The following TNFRSF11A variants were observed in gnomAD, a reference collection of about 807,000 sequenced individuals.
The protein encoded by TNFRSF11A is tumor necrosis factor receptor superfamily member 11A.
A neutral mutation model predicts 55.7 loss-of-function variants in TNFRSF11A; 32 were observed. That is an observed-to-expected ratio of 0.57 (90% CI 0.43 to 0.77). The LOEUF (loss-of-function observed/expected upper bound fraction) is 0.77. Among genes scored for constraint, TNFRSF11A ranks in the 30% least tolerant of loss-of-function variants. TNFRSF11A has a pLI of 0.00. For synonymous variants in TNFRSF11A, 311 were observed against 331.0 expected, an observed-to-expected ratio of 0.94 and a Z score of 0.65; for missense variants, 753 against 809.8, an observed-to-expected ratio of 0.93 and a Z score of 0.85.
chr18:62,344,569 C>T (rs2046355300), intron 1 of TNFRSF11A, among the ~76,000 whole-genome samples: 1 of 152,206 alleles, frequency 6.6e-6, no homozygotes, highest in African/African-American at 2.4e-5. Flanking sequence ...ACTAGGGCTG[C>T]TACCGATAAT....
At chr18:62,346,535 C>T (rs1010985867) in intron 1 of TNFRSF11A, among the ~76,000 whole-genome samples, 2 of 152,160 alleles carry the variant, frequency 1.3e-5, no homozygotes, top group Non-Finnish European at 2.9e-5. Flanking sequence ...GTGTGTTACC[C>T]GGTGTCCACG....
rs1024650628 is a variant in TNFRSF11A, at chr18:62,385,004, G to C, written c.1821G>C (p.Pro607=). Residue 607 remains proline (P), a synonymous_variant, in exon 10 of 10, where the codon CCG becomes CCC. Transcript: ENST00000586569. ...GLREPEKASR[P]VQEQGGAKA ...GGGAGCCGGAGAAGGCCTCGAGGCC[G>C]GTGCAGGAGCAAGGCGGGGCCAAGG... 7.4e-6 allele frequency: 11 copies of C among 1,477,020 alleles called. No individual in the cohort carries two copies. The highest frequency in any genetic ancestry group is 2.5e-5 in the Admixed American group (1 of 39,404). The allele number at this position is 1,477,020 out of a possible 1,614,324, so 91.5% of individuals were successfully genotyped here. A position where few individuals can be genotyped will look rare whatever the true frequency, so the allele number is the denominator to read the frequency against.
intron 9 of TNFRSF11A, among the ~76,000 whole-genome samples, chr18:62,379,187 A>G (rs1442615164): frequency 1.3e-5 from 2 of 152,216 alleles, no homozygotes; most frequent in Admixed American, 6.5e-5. Context: ...TCAATTCTGT[A>G]TGGAGAGTGT....
chr18:62,369,266 G>A lies in TNFRSF11A; in HGVS notation c.1349G>A (p.Arg450Gln), dbSNP rs760995590. Residue 450 changes from arginine to glutamine, a missense_variant, in exon 9 of 10, where the codon CGG becomes CAG. Arg to Gln is a conservative substitution (Grantham distance 43). Transcript: ENST00000586569. ...PNWADVCTGC[R>Q]NPPGEDCEPL... The stretch of plus-strand genomic sequence containing the variant: ...TGGGCAGATGTCTGCACAGGCTGCC[G>A]GAACCCTCCTGGGGAGGACTGTGAA... The A allele has an allele frequency of 3.2e-5, 51 of 1,613,408 alleles. No individual in the cohort carries two copies. Among genetic ancestry groups the A allele is most frequent in the Middle Eastern group, 3.3e-4 (2 of 6,062 alleles).
intron 1 of TNFRSF11A, 100 bp from the exon 2 acceptor site, chr18:62,348,058 CAAAAAAAAAA>C (rs201661953): frequency 1.6e-4 from 103 of 640,784 alleles, no homozygotes; most frequent in Admixed American, 5.5e-4. Context: ...AAACTCCATT[CAAAAAAAAAA>C]AAAAAAAAAA....
At chr18:62,329,857 G>C (rs1284695365) in intron 1 of TNFRSF11A, among the ~76,000 whole-genome samples, 1 of 152,154 alleles carries the variant, frequency 6.6e-6, no homozygotes, top group Non-Finnish European at 1.5e-5. Flanking sequence ...TGTTCTCACT[G>C]TGTCACGTTC....
chr18:62,379,875 A>AT (rs1295667407), intron 9 of TNFRSF11A, among the ~76,000 whole-genome samples: 9 of 152,350 alleles, frequency 5.9e-5, no homozygotes, highest in Admixed American at 5.2e-4. Flanking sequence ...GTTTTACTGA[A>AT]TATTTAGTAG....
At chr18:62,346,661 T>C (rs2046388469) in intron 1 of TNFRSF11A, among the ~76,000 whole-genome samples, 1 of 152,206 alleles carries the variant, frequency 6.6e-6, no homozygotes, top group African/African-American at 2.4e-5. Flanking sequence ...ACCCCTTTGC[T>C]GGCCAGGGTG....
At chr18:62,365,060 A>C (rs1410453965) in intron 7 of TNFRSF11A, among the ~76,000 whole-genome samples, 1 of 152,180 alleles carries the variant, frequency 6.6e-6, no homozygotes, top group Non-Finnish European at 1.5e-5. Context: ...TCCCGGGCTC[A>C]AACAATCCTC....
intron 7 of TNFRSF11A, among the ~76,000 whole-genome samples, chr18:62,364,273 A>G (rs924648242): frequency 1.3e-5 from 2 of 152,172 alleles, no homozygotes; most frequent in Non-Finnish European, 2.9e-5. Context: ...ACAGTGCATT[A>G]GCGGGCTGGA....
chr18:62,344,574 G>A (rs72931602), intron 1 of TNFRSF11A, among the ~76,000 whole-genome samples: 33 of 152,308 alleles, frequency 2.2e-4, no homozygotes, highest in Non-Finnish European at 4.4e-4. Context: ...GGCTGCTACC[G>A]ATAATAATAG....
At chr18:62,366,089 A>G (rs540757046) in intron 7 of TNFRSF11A, among the ~76,000 whole-genome samples, 1 of 152,314 alleles carries the variant, frequency 6.6e-6, no homozygotes, top group East Asian at 1.9e-4. Context: ...AAGTGCTGGC[A>G]TTACAGGTGT....
chr18:62,368,651 C>G, intron 8 of TNFRSF11A, 50 bp from the exon 9 acceptor site: 1 of 1,593,792 alleles, frequency 6.3e-7, no homozygotes, highest in Non-Finnish European at 8.6e-7. Flanking sequence ...TAAACTTGTC[C>G]TAATAACTCT....
At chr18:62,356,388 A>C (rs921188245) in intron 4 of TNFRSF11A, among the ~76,000 whole-genome samples, 1 of 152,238 alleles carries the variant, frequency 6.6e-6, no homozygotes, top group Non-Finnish European at 1.5e-5. Flanking sequence ...GGATCTCCCT[A>C]TCACAGCCAA....
At chr18:62,370,522 T>C (rs1910469833) in intron 9 of TNFRSF11A, among the ~76,000 whole-genome samples, 1 of 152,218 alleles carries the variant, frequency 6.6e-6, no homozygotes, top group Non-Finnish European at 1.5e-5. Flanking sequence ...AAATCTGAGG[T>C]AGCTAGATCT....
chr18:62,328,892 C>G (rs2046112049), intron 1 of TNFRSF11A, among the ~76,000 whole-genome samples: 1 of 152,198 alleles, frequency 6.6e-6, no homozygotes, highest in South Asian at 2.1e-4. Context: ...AAGGAAATAG[C>G]TTGCTTTTTC....
chr18:62,350,424 C>G (rs1600378247), intron 3 of TNFRSF11A, among the ~76,000 whole-genome samples: 1 of 152,156 alleles, frequency 6.6e-6, no homozygotes. Flanking sequence ...TCCTGAGTAG[C>G]TGGGACTACA....
intron 6 of TNFRSF11A, among the ~76,000 whole-genome samples, chr18:62,360,491 G>T (rs1473782728): frequency 6.6e-6 from 1 of 151,174 alleles, no homozygotes; most frequent in Non-Finnish European, 1.5e-5. Context: ...CTGCCACCCA[G>T]GCTGGAGTGC....
chr18:62,348,186 C>G lies in TNFRSF11A; in HGVS notation c.94C>G (p.Pro32Ala), dbSNP rs373535227. Reference protein sequence around the residue: ...ARLQVALQIAPPCTSEKHYEH... With the variant: ...ARLQVALQIAAPCTSEKHYEH... Reference sequence around the variant, plus strand: ...TTTTCAGGTGGCTTTGCAGATCGCTCCTCCATGTACCAGTGAGAAGCATTA... The same window carrying G: ...TTTTCAGGTGGCTTTGCAGATCGCTGCTCCATGTACCAGTGAGAAGCATTA... Residue 32 changes from proline to alanine, a missense_variant, in exon 2 of 10, where the codon CCT becomes GCT. Coordinates refer to ENST00000586569, the MANE Select transcript of TNFRSF11A (RefSeq NM_003839.4). 23 of 1,613,912 alleles carry G rather than the reference C, an allele frequency of 1.4e-5. No homozygotes were observed. The highest frequency in any genetic ancestry group is 2.7e-5 in the African/African-American group (2 of 74,884).
Sources: allele counts gnomAD v4.1 joint callset (sites outside exome capture counted in the v4.1 genomes callset), GRCh38; gene constraint gnomAD v4.1.1; transcripts MANE v1.5; gene names NCBI Gene and HGNC (gene_info 2026-07-23, HGNC 2026-07-21).